Variants in DPP10 observed in about 807,000 individuals in gnomAD.
The protein encoded by DPP10 is inactive dipeptidyl peptidase 10.
A neutral mutation model predicts 120.9 loss-of-function variants in DPP10; 33 were observed. The ratio of observed to expected loss-of-function variants is 0.27; its 90% confidence interval spans 0.21 to 0.37. The LOEUF is 0.37. Ranked by LOEUF, DPP10 falls within the 10% of genes least tolerant of loss-of-function variation. The probability of loss-of-function intolerance (pLI) is 1.00; values close to 1 mark genes in which losing one functional copy is unlikely to be tolerated. For synonymous variants in DPP10, 337 were observed against 326.1 expected (o/e 1.03, Z -0.36); for missense variants, 816 against 942.8 (o/e 0.87, Z 1.76).
At chr2:115,123,102 G>C (rs1421867419) in intron 1 of DPP10, among the ~76,000 whole-genome samples, 2 of 152,210 alleles carry the variant, frequency 1.3e-5, no homozygotes, top group African/African-American at 2.4e-5. Context: ...AAATCCATAT[G>C]GATCTGCAGC....
intron 9 of DPP10, among the ~76,000 whole-genome samples, chr2:115,743,788 G>A (rs1001043635): frequency 5.3e-5 from 8 of 150,606 alleles, no homozygotes; most frequent in African/African-American, 1.9e-4. Context: ...TCTTTAGCAT[G>A]TGCTCATAAC....
intron 1 of DPP10, among the ~76,000 whole-genome samples, chr2:114,759,521 C>G (rs777217389): frequency 6.6e-6 from 1 of 150,754 alleles, no homozygotes; most frequent in African/African-American, 2.4e-5. Context: ...CCTGCTGTCT[C>G]TTGGTGGCCA....
intron 1 of DPP10, chr2:115,064,818 T>C (rs369577007): frequency 2.3e-6 from 3 of 1,304,070 alleles, no homozygotes; most frequent in Admixed American, 2.3e-5. Context: ...AAGTGGATGC[T>C]ACCTAGGTTT....
chr2:115,577,140 T>C (rs1575224867), intron 5 of DPP10, among the ~76,000 whole-genome samples: 2 of 152,318 alleles, frequency 1.3e-5, no homozygotes, highest in Middle Eastern at 6.8e-3. Context: ...AGGAGGTTTC[T>C]ACTTATGAGA....
chr2:114,778,982 C>G (rs938870382), intron 1 of DPP10, among the ~76,000 whole-genome samples: 7 of 151,854 alleles, frequency 4.6e-5, no homozygotes, highest in Admixed American at 4.6e-4. Context: ...TTAGTAGCAC[C>G]CTAGTTAATT....
At chr2:115,037,397 G>A (rs888831490) in intron 1 of DPP10, among the ~76,000 whole-genome samples, 1 of 152,028 alleles carries the variant, frequency 6.6e-6, no homozygotes, top group African/African-American at 2.4e-5. Context: ...AAACTTTCAG[G>A]TGAATTTTTA....
At chr2:115,438,602 T>C (rs910524195) in intron 3 of DPP10, among the ~76,000 whole-genome samples, 2 of 152,224 alleles carry the variant, frequency 1.3e-5, no homozygotes, top group African/African-American at 4.8e-5. Flanking sequence ...ATCCCATAGA[T>C]GAATCCTAAA....
chr2:114,564,253 G>C (rs1244492308), intron 1 of DPP10, among the ~76,000 whole-genome samples: 1 of 152,084 alleles, frequency 6.6e-6, no homozygotes, highest in African/African-American at 2.4e-5. Flanking sequence ...TCTGTCAACA[G>C]AGACTATTCA....
chr2:114,537,047 T>C (rs1400938564), intron 1 of DPP10, among the ~76,000 whole-genome samples: 6 of 152,218 alleles, frequency 3.9e-5, no homozygotes, highest in African/African-American at 1.2e-4. Flanking sequence ...GGAGATTTCA[T>C]AGTGCTCATT....
chr2:115,219,344 T>C (rs1234601507), intron 1 of DPP10, among the ~76,000 whole-genome samples: 1 of 152,132 alleles, frequency 6.6e-6, no homozygotes, highest in Non-Finnish European at 1.5e-5. Context: ...TTAATTTTTG[T>C]ACATGAATCA....
chr2:114,831,651 C>A (rs112772900), intron 1 of DPP10, among the ~76,000 whole-genome samples: 1 of 151,978 alleles, frequency 6.6e-6, no homozygotes, highest in East Asian at 1.9e-4. Flanking sequence ...ATATTCTGCA[C>A]GTAGTTTGCA....
chr2:114,850,935 G>T (rs1474055682), intron 1 of DPP10, among the ~76,000 whole-genome samples: 1 of 151,934 alleles, frequency 6.6e-6, no homozygotes, highest in Non-Finnish European at 1.5e-5. Flanking sequence ...AAACCTTCTA[G>T]ATGCTGTTTT....
intron 1 of DPP10, among the ~76,000 whole-genome samples, chr2:114,975,849 C>T (rs1230200315): frequency 6.6e-6 from 1 of 152,014 alleles, no homozygotes; most frequent in East Asian, 1.9e-4. Context: ...TGGGGTTTCA[C>T]CATGTTGGCC....
intron 1 of DPP10, among the ~76,000 whole-genome samples, chr2:114,852,473 A>G (rs558806046): frequency 6.6e-6 from 1 of 152,280 alleles, no homozygotes; most frequent in South Asian, 2.1e-4. Context: ...ATAATACAGT[A>G]TAATAGCTAT....
chr2:115,740,686 T>G (rs1450132223), intron 9 of DPP10, among the ~76,000 whole-genome samples: 1 of 152,154 alleles, frequency 6.6e-6, no homozygotes, highest in African/African-American at 2.4e-5. Flanking sequence ...ATAAGAGGGT[T>G]GCAAAAACAT....
At chr2:114,813,325 A>G (rs912968051) in intron 1 of DPP10, among the ~76,000 whole-genome samples, 2 of 152,198 alleles carry the variant, frequency 1.3e-5, no homozygotes, top group Non-Finnish European at 2.9e-5. Flanking sequence ...AGAGGACCAC[A>G]AATTATATAT....
chr2:115,535,071 A>G (rs1451005073), intron 5 of DPP10, among the ~76,000 whole-genome samples: 1 of 149,238 alleles, frequency 6.7e-6, no homozygotes, highest in East Asian at 2.0e-4. Context: ...TTGCCTGTTC[A>G]CTCTGATGGT....
intron 1 of DPP10, among the ~76,000 whole-genome samples, chr2:114,460,647 A>T (rs560374270): frequency 2.0e-5 from 3 of 152,260 alleles, no homozygotes; most frequent in African/African-American, 7.2e-5. Context: ...TCATTATAGG[A>T]CTATTTTCTT....
At position 115,289,505 on chromosome 2, in the gene DPP10, G is replaced by GAAA. The variant is rs148111691; in HGVS notation, c.61-19734_61-19733insAAA. Among the ~76,000 whole-genome samples the GAAA allele has an allele frequency of 4.7e-3, 252 of 53,414 alleles. 1 individual carries two copies. The highest frequency in any genetic ancestry group is 0.015 in the African/African-American group (231 of 15,340). 35.0% of individuals were successfully genotyped at this position (53,414 alleles called of 152,430 possible). A position where few individuals can be genotyped will look rare whatever the true frequency, so the allele number is the denominator to read the frequency against. On this transcript the variant is annotated intron_variant, in intron 1 of 25. Transcript: ENST00000410059. ...GAAACCAAAAAAAAAAAAAAAAAAA[G>GAAA]GAAGAAAAGAAAAGAAAAAAGAGCC...
Sources: gnomAD v4.1 joint callset for allele counts (sites outside exome capture counted in the v4.1 genomes callset) on GRCh38, gnomAD v4.1.1 for gene constraint, MANE v1.5 for transcripts, NCBI Gene and HGNC (gene_info 2026-07-23, HGNC 2026-07-21) for gene names.